ASPDH: variants seen among roughly 807,000 people sequenced by gnomAD.
ASPDH encodes the protein aspartate dehydrogenase domain-containing protein.
Under a neutral mutation model 30.5 loss-of-function variants are expected in ASPDH, and 25 were observed. The ratio of observed to expected loss-of-function variants is 0.82; its 90% confidence interval spans 0.60 to 1.14. The LOEUF (loss-of-function observed/expected upper bound fraction) is 1.14. Among genes scored for constraint, ASPDH ranks in the 50% most tolerant of loss-of-function variants. The pLI, the probability that ASPDH is intolerant of heterozygous loss-of-function variation, is 0.00. For synonymous variants in ASPDH, 168 were observed against 156.3 expected (o/e 1.07, Z -0.56); for missense variants, 401 against 381.5 (o/e 1.05, Z -0.43).
chr19:50,512,137 C>A lies in ASPDH; in HGVS notation c.807G>T (p.Leu269=). The A allele has an allele frequency of 1.3e-6, 2 of 1,550,552 alleles. No homozygotes were observed. The highest frequency in any genetic ancestry group is 1.4e-5 in the African/African-American group (1 of 73,582). Residue 269 remains leucine (L), a splice_region_variant and synonymous_variant, in exon 6 of 7, where the codon CTG becomes CTT. Transcript: ENST00000389208. The stretch of plus-strand genomic sequence containing the variant: ...CGGGGGAGAGGGGCCTGGCCGCACC[C>A]AGGAGGCTCTGCCAGAAGGCCGTGA... ...ATVTAFWQSL[L]ACCQLPSRPG...
chr19:50,514,540 C>T, upstream of ASPDH: 1 of 1,614,056 alleles, frequency 6.2e-7, no homozygotes, highest in Non-Finnish European at 8.5e-7. Context: ...GTGTGACGTT[C>T]TCGCTCCCAC....
chr19:50,512,311 A>T (rs1979977737), intron 5 of ASPDH, 21 bp from the exon 6 acceptor site: 2 of 1,613,720 alleles, frequency 1.2e-6, no homozygotes, highest in Admixed American at 1.7e-5. Flanking sequence ...AGGGGCAGTC[A>T]GTCTGGAGAG....
Position 50,513,010 on chromosome 19 carries a change from G to A in ASPDH, c.199C>T (p.Arg67Cys), listed in dbSNP as rs755585940. The change falls in exon 3 of 7, where the codon CGC becomes TGC. Residue 67 changes from arginine to cysteine, a missense_variant and splice_region_variant. Physicochemically the swap from Arg to Cys is radical, Grantham distance 180. Coordinates refer to ENST00000389208, the MANE Select transcript of ASPDH (RefSeq NM_001114598.2). This position sits in a 1 kb window ranked among gnomAD's most constrained non-coding sequence, Gnocchi z 4.9. ...GCCACTTCCACAACCAGATCAGGGC[G>A]CCTGGGAGAGGGGAAAGAGGGCGGA... is the stretch of plus-strand genomic sequence containing the variant. ...LQNLAALGER[R>C]PDLVVEVAHP... The A allele has an allele frequency of 6.8e-6, 11 of 1,612,124 alleles. No homozygotes were observed. The highest frequency in any genetic ancestry group is 2.2e-5 in the South Asian group (2 of 90,886).
At chr19:50,514,618 T>TGCCCCCAACATGA (rs1369594021), upstream of ASPDH, 3 of 1,604,854 alleles carry the variant, frequency 1.9e-6, no homozygotes, top group African/African-American at 4.0e-5. Context: ...AGAGGCCAAG[T>TGCCCCCAACATGA]GCCCCCAACA....
In ASPDH at chr19:50,511,668, G is replaced by T; in HGVS notation, c.*62C>A. ...ACCCTGGGGAAGTGGGGCAGGGCAG[G>T]GGTGGGATGGTGGTGGTGAGAGGCC... On this transcript the variant is annotated 3_prime_UTR_variant, in exon 7 of 7. Transcript: ENST00000389208. 9.3e-7 allele frequency: 1 copy of T among 1,080,226 alleles called. No individual in the cohort carries two copies. Among genetic ancestry groups the T allele is most frequent in the Non-Finnish European group, 1.2e-6 (1 of 817,784 alleles). 66.9% of individuals were successfully genotyped at this position (1,080,226 alleles called of 1,614,324 possible). A position where few individuals can be genotyped will look rare whatever the true frequency, so the allele number is the denominator to read the frequency against.
chr19:50,512,152 G>GAA lies in ASPDH; in HGVS notation c.790_791dup (p.Trp265SerfsTer56), dbSNP rs1568707419. 3.8e-6 allele frequency: 6 copies of GAA among 1,569,744 alleles called. No homozygotes were observed. The highest frequency in any genetic ancestry group is 5.2e-6 in the Non-Finnish European group (6 of 1,163,148). On this transcript the variant is annotated frameshift_variant, in exon 6 of 7. Transcript: ENST00000389208. LOFTEE classifies it high-confidence loss of function. ...TGGCCGCACCCAGGAGGCTCTGCCA[G>GAA]AAGGCCGTGACGGTGGCGGAGCCGG... is the stretch of plus-strand genomic sequence containing the variant.
Position 50,512,155 on chromosome 19 carries a change from G to T in ASPDH, c.789C>A (p.Ala263=). 1 of 1,572,934 alleles carries T rather than the reference G, an allele frequency of 6.4e-7. No homozygotes were observed. The highest frequency in any genetic ancestry group is 1.3e-5 in the African/African-American group (1 of 74,382). Reference sequence around the variant, plus strand: ...CCGCACCCAGGAGGCTCTGCCAGAAGGCCGTGACGGTGGCGGAGCCGGTGA... The same window carrying T: ...CCGCACCCAGGAGGCTCTGCCAGAATGCCGTGACGGTGGCGGAGCCGGTGA... ...GAVTGSATVT[A]FWQSLLACCQ... The change falls in exon 6 of 7, where the codon GCC becomes GCA. Residue 263 remains alanine (A), a synonymous_variant. Transcript: ENST00000389208.
rs1980085618 is a variant in ASPDH at position 50,513,447 on chromosome 19, TCCAGAGAGAGGGGGACAGAGAC to T, written c.53-53_53-32del. ...GAGAGGGAAAGGAGAGGGCTAGAGA[TCCAGAGAGAGGGGGACAGAGAC>T]CCAGAGAGAGAGGAGGTGGGGACAG... On this transcript the variant is annotated intron_variant, in intron 1 of 6. Coordinates refer to ENST00000389208, the MANE Select transcript of ASPDH (RefSeq NM_001114598.2). The surrounding 1 kb of genome is among the most constrained non-coding windows in gnomAD (Gnocchi z 4.9). 1 of 1,454,482 alleles carries T rather than the reference TCCAGAGAGAGGGGGACAGAGAC, an allele frequency of 6.9e-7. No homozygotes were observed. The highest frequency in any genetic ancestry group is 1.4e-5 in the African/African-American group (1 of 69,246). The allele number at this position is 1,454,482 out of a possible 1,614,324, so 90.1% of individuals were successfully genotyped here.
rs774835411 is a variant in ASPDH at position 50,512,290 on chromosome 19, G to T, written c.654C>A (p.Ser218Arg). Reference sequence around the variant, plus strand: ...CATCCACCACGTGCATGTCCGTGAGGCTGGGACAAGAGGGGCAGTCAGTCT... The same window carrying T: ...CATCCACCACGTGCATGTCCGTGAGTCTGGGACAAGAGGGGCAGTCAGTCT... ...GVIGVLVADT[S>R]LTDMHVVDVE... The change falls in exon 6 of 7, where the codon AGC becomes AGA. Residue 218 changes from serine to arginine, a missense_variant and splice_region_variant. Physicochemically the swap from Ser to Arg is moderately radical, Grantham distance 110. Transcript: ENST00000389208. The T allele has an allele frequency of 5.0e-6, 8 of 1,613,710 alleles. No individual in the cohort carries two copies. Among genetic ancestry groups the T allele is most frequent in the African/African-American group, 2.7e-5 (2 of 74,946 alleles).
chr19:50,514,626 A>G (rs1422892536), upstream of ASPDH: 6 of 1,601,216 alleles, frequency 3.7e-6, no homozygotes, highest in Non-Finnish European at 3.4e-6. Context: ...AGTGCCCCCA[A>G]CATGAGCCCC....
rs1979890436 is a variant in ASPDH at position 50,511,691 on chromosome 19, G to C, written c.*39C>G. 8 of 1,270,432 alleles carry C rather than the reference G, an allele frequency of 6.3e-6. No homozygotes were observed. Among genetic ancestry groups the C allele is most frequent in the Non-Finnish European group, 8.1e-6 (8 of 990,724 alleles). 78.7% of individuals were successfully genotyped at this position (1,270,432 alleles called of 1,614,324 possible). A position where few individuals can be genotyped will look rare whatever the true frequency, so the allele number is the denominator to read the frequency against. ...AGGGGTGGGATGGTGGTGGTGAGAG[G>C]CCAGGCAGATGATCTTGTCTCGGGA... On this transcript the variant is annotated 3_prime_UTR_variant, in exon 7 of 7. Transcript: ENST00000389208.
chr19:50,512,389 C>A lies in ASPDH; in HGVS notation c.624G>T (p.Gly208=), dbSNP rs1341831475. ...ALAAPSLGFD[G]VIGVLVADTS... ...TATCAGCCACGAGCACCCCAATCAC[C>A]CCATCGAAGCCCAGGCTGGGGGCAG... is the stretch of plus-strand genomic sequence containing the variant. Residue 208 remains glycine (G), a synonymous_variant, in exon 5 of 7, where the codon GGG becomes GGT. Coordinates refer to ENST00000389208, the MANE Select transcript of ASPDH (RefSeq NM_001114598.2). 1 of 1,613,638 alleles carries A rather than the reference C, an allele frequency of 6.2e-7. No individual in the cohort carries two copies. Among genetic ancestry groups the A allele is most frequent in the Non-Finnish European group, 8.5e-7 (1 of 1,179,944 alleles).
chr19:50,512,884 A>G, intron 3 of ASPDH, 43 bp downstream of exon 3: 2 of 1,601,794 alleles, frequency 1.2e-6, no homozygotes, highest in South Asian at 1.1e-5. Flanking sequence ...AGACCAAGAC[A>G]GAAGGGGCAG....
Position 50,511,661 on chromosome 19 carries a change from A to G in ASPDH, c.*69T>C. 2.0e-6 allele frequency: 2 copies of G among 984,438 alleles called. No individual in the cohort carries two copies. Among genetic ancestry groups the G allele is most frequent in the Non-Finnish European group, 2.7e-6 (2 of 735,932 alleles). The allele number at this position is 984,438 out of a possible 1,614,324, so 61.0% of individuals were successfully genotyped here. ...AAGGGAGACCCTGGGGAAGTGGGGC[A>G]GGGCAGGGGTGGGATGGTGGTGGTG... is the stretch of plus-strand genomic sequence containing the variant. On this transcript the variant is annotated 3_prime_UTR_variant, in exon 7 of 7. Coordinates refer to ENST00000389208, the MANE Select transcript of ASPDH (RefSeq NM_001114598.2).
At chr19:50,511,887 C>G in intron 6 of ASPDH, 114 bp from the exon 7 acceptor site, 2 of 794,378 alleles carry the variant, frequency 2.5e-6, no homozygotes, top group Non-Finnish European at 3.7e-6. Flanking sequence ...GAGGAAGACC[C>G]GGAGAGAGCG....
chr19:50,512,527 G>A lies in ASPDH; in HGVS notation c.486C>T (p.Pro162=). 6.5e-7 allele frequency: 1 copy of A among 1,536,818 alleles called. No individual in the cohort carries two copies. The highest frequency in any genetic ancestry group is 8.7e-7 in the Non-Finnish European group (1 of 1,145,180). The change falls in exon 5 of 7, where the codon CCC becomes CCT. Residue 162 remains proline, a synonymous_variant. Coordinates refer to ENST00000389208, the MANE Select transcript of ASPDH (RefSeq NM_001114598.2). ...THPDGFRLEG[P]LAAAHSPGPC... is the part of the protein sequence containing the mutation. Reference sequence around the variant, plus strand: ...GCCCAGGGCTGTGGGCTGCAGCCAGGGGTCCCTCAAGCCGGAAGCCATCGG... The same window carrying A: ...GCCCAGGGCTGTGGGCTGCAGCCAGAGGTCCCTCAAGCCGGAAGCCATCGG...
Position 50,513,559 on chromosome 19 carries a change from C to A in ASPDH, c.53-143G>T, listed in dbSNP as rs1980092476. On this transcript the variant is annotated intron_variant, in intron 1 of 6. Transcript: ENST00000389208. This position sits in a 1 kb window ranked among gnomAD's most constrained non-coding sequence, Gnocchi z 4.9. ...CGGGGTAGGGAGACAGAGATGGGGG[C>A]AGGGCAGAGACACAGTGGGGTGGAC... The A allele has an allele frequency of 2.2e-6, 2 of 893,250 alleles. No homozygotes were observed. Among genetic ancestry groups the A allele is most frequent in the South Asian group, 3.6e-5 (2 of 55,492 alleles). 55.3% of individuals were successfully genotyped at this position (893,250 alleles called of 1,614,324 possible).
Position 50,512,401 on chromosome 19 carries a change from C to T in ASPDH, c.612G>A (p.Leu204=), listed in dbSNP as rs776700101. 1.2e-6 allele frequency: 2 copies of T among 1,613,572 alleles called. No homozygotes were observed. Among genetic ancestry groups the T allele is most frequent in the Non-Finnish European group, 1.7e-6 (2 of 1,179,910 alleles). ...GCACCCCAATCACCCCATCGAAGCC[C>T]AGGCTGGGGGCAGCCAGGGCAGCCG... ...MAAAALAAPS[L]GFDGVIGVLV... Residue 204 remains leucine (L), a synonymous_variant, in exon 5 of 7, where the codon CTG becomes CTA. Coordinates refer to ENST00000389208, the MANE Select transcript of ASPDH (RefSeq NM_001114598.2).
rs770152634 is a variant in ASPDH, at chr19:50,513,678, TAG to T, written c.52+92_52+93del. On this transcript the variant is annotated intron_variant, in intron 1 of 6. Coordinates refer to ENST00000389208, the MANE Select transcript of ASPDH (RefSeq NM_001114598.2). The surrounding 1 kb of genome is among the most constrained non-coding windows in gnomAD (Gnocchi z 4.9). ...ACCCAGAGACACAGCCAGGGGCAGA[TAG>T]AGAGAGAAAAAAGTGTTTGTGGAGG... 4 of 987,354 alleles carry T rather than the reference TAG, an allele frequency of 4.1e-6. No homozygotes were observed. The highest frequency in any genetic ancestry group is 6.2e-6 in the Non-Finnish European group (4 of 648,054). The allele number at this position is 987,354 out of a possible 1,614,324, so 61.2% of individuals were successfully genotyped here.
Sources: gnomAD v4.1 joint callset for allele counts on GRCh38, gnomAD v4.1.1 for gene constraint, Gnocchi (gnomAD v3.1) non-coding constraint, MANE v1.5 for transcripts, NCBI Gene and HGNC (gene_info 2026-07-23, HGNC 2026-07-21) for gene names.